Variants in TP53INP1 observed in about 807,000 individuals in gnomAD.
TP53INP1 encodes tumor protein p53 inducible nuclear protein 1, also known as tumor protein p53-inducible nuclear protein 1.
In TP53INP1, 12 loss-of-function variants were observed where a neutral mutation model predicts 21.0. The ratio of observed to expected loss-of-function variants is 0.57; its 90% CI spans 0.37 to 0.93. TP53INP1 has a LOEUF of 0.93. Ranked by LOEUF, TP53INP1 falls within the 40% of genes least tolerant of loss-of-function variation. The pLI is 0.01. For synonymous variants in TP53INP1, 91 were observed against 94.8 expected (o/e 0.96, Z 0.23); for missense variants, 274 against 294.7 (o/e 0.93, Z 0.51).
intron 1 of TP53INP1, among the ~76,000 whole-genome samples, chr8:94,948,812 A>G (rs1822260213): frequency 6.6e-6 from 1 of 152,040 alleles, no homozygotes; most frequent in Non-Finnish European, 1.5e-5. Flanking sequence ...GCCGCGGCCA[A>G]GAAAACAAGC....
intron 1 of TP53INP1, among the ~76,000 whole-genome samples, chr8:94,946,715 A>AAAAAAAAAAAAAAG (rs1482522605): frequency 6.7e-6 from 1 of 149,172 alleles, no homozygotes; most frequent in African/African-American, 2.4e-5. Context: ...AAAAAAAAAA[A>AAAAAAAAAAAAAAG]AAAAAGACAG....
intron 1 of TP53INP1, among the ~76,000 whole-genome samples, chr8:94,947,140 G>A (rs899255135): frequency 3.3e-5 from 5 of 152,086 alleles, no homozygotes; most frequent in African/African-American, 1.2e-4. Context: ...GTCAGCATTA[G>A]GGCAAAAATC....
chr8:94,938,846 T>C (rs188546863), intron 3 of TP53INP1, among the ~76,000 whole-genome samples: 184 of 152,340 alleles, frequency 1.2e-3, no homozygotes, highest in African/African-American at 4.3e-3. Context: ...GAAGGGGTCG[T>C]GGGAACACCA....
chr8:94,940,361 G>T, intron 2 of TP53INP1, 141 bp from the exon 3 acceptor site: 1 of 942,252 alleles, frequency 1.1e-6, no homozygotes, highest in South Asian at 1.8e-5. Context: ...ATTAGCTGAT[G>T]CTCACGTATC....
At chr8:94,946,761 A>G (rs1822056220) in intron 1 of TP53INP1, among the ~76,000 whole-genome samples, 1 of 148,720 alleles carries the variant, frequency 6.7e-6, no homozygotes, top group East Asian at 2.0e-4. Context: ...TGCTACTTGC[A>G]ACCTATGTGA....
intron 3 of TP53INP1, among the ~76,000 whole-genome samples, chr8:94,936,979 G>C (rs944402205): frequency 7.9e-5 from 12 of 152,246 alleles, no homozygotes; most frequent in African/African-American, 2.9e-4. Flanking sequence ...GAGCATAGCT[G>C]CAAGTGAGAC....
At chr8:94,946,470 G>A (rs562334785) in intron 1 of TP53INP1, among the ~76,000 whole-genome samples, 3 of 151,806 alleles carry the variant, frequency 2.0e-5, no homozygotes, top group African/African-American at 7.2e-5. Context: ...GGATGCCAAG[G>A]CAGGAGGATC....
rs1049697928 is a variant in TP53INP1 at position 94,941,086 on chromosome 8, T to C, written c.-145A>G. 15 of 614,288 alleles carry C rather than the reference T, an allele frequency of 2.4e-5. No homozygotes were observed. The highest frequency in any genetic ancestry group is 9.3e-5 in the African/African-American group (5 of 53,888). 38.1% of individuals were successfully genotyped at this position (614,288 alleles called of 1,614,324 possible). ...CTTAGGTGAAAAGCAAGAAGAGTCA[T>C]TGTACCTAAAATAAAACAGAAAAAG... On this transcript the variant is annotated 5_prime_UTR_variant, in exon 2 of 4. It removes an upstream start codon present in the reference 5' UTR. Transcript: ENST00000342697.
intron 3 of TP53INP1, among the ~76,000 whole-genome samples, chr8:94,934,065 G>A (rs1820722840): frequency 6.7e-6 from 1 of 149,046 alleles, no homozygotes; most frequent in Non-Finnish European, 1.5e-5. Context: ...CAACAAGAGT[G>A]AAACTCTGTC....
intron 3 of TP53INP1, among the ~76,000 whole-genome samples, chr8:94,933,097 A>T (rs1820585536): frequency 6.6e-6 from 1 of 152,168 alleles, no homozygotes; most frequent in African/African-American, 2.4e-5. Flanking sequence ...ATGTGCCAGT[A>T]ATCCCAGTTA....
intron 3 of TP53INP1, among the ~76,000 whole-genome samples, chr8:94,938,197 A>G (rs2131355457): frequency 6.6e-6 from 1 of 152,340 alleles, no homozygotes; most frequent in African/African-American, 2.4e-5. Flanking sequence ...AACAAGATCA[A>G]TTAACCTGCA....
intron 1 of TP53INP1, among the ~76,000 whole-genome samples, chr8:94,946,032 C>T (rs1322861665): frequency 6.6e-6 from 1 of 152,022 alleles, no homozygotes; most frequent in Non-Finnish European, 1.5e-5. Flanking sequence ...TATAAAAAGT[C>T]TAGAAAATAA....
chr8:94,944,265 A>C (rs934468608), intron 1 of TP53INP1, among the ~76,000 whole-genome samples: 3 of 152,166 alleles, frequency 2.0e-5, no homozygotes, highest in African/African-American at 7.2e-5. Flanking sequence ...CTTGTCCCCA[A>C]CCTGTGATGC....
In TP53INP1 at chr8:94,940,207, A is replaced by G. The variant is rs1477801634; in HGVS notation, c.126T>C (p.Gly42=). The change falls in exon 3 of 4, where the codon GGT becomes GGC. Residue 42 remains glycine, a synonymous_variant. Transcript: ENST00000342697. ...CTTCTTCTTCTTCTTCTGCTGAGAA[A>G]CCAGTGCAAGTATCTAGATCGTAGT... is the stretch of plus-strand genomic sequence containing the variant. ...ILVDFIDTCT[G]FSAEEEEEEE... is the part of the protein sequence containing the mutation. 3.1e-6 allele frequency: 5 copies of G among 1,610,402 alleles called. No homozygotes were observed. The East Asian group carries it at 1.1e-4, about 36-fold the overall frequency.
chr8:94,941,349 TATA>T (rs899661292), intron 1 of TP53INP1, among the ~76,000 whole-genome samples: 23 of 152,122 alleles, frequency 1.5e-4, no homozygotes, highest in African/African-American at 5.3e-4. Context: ...TTTATGCTTT[TATA>T]ATAAGGTGAA....
intron 3 of TP53INP1, among the ~76,000 whole-genome samples, chr8:94,935,699 A>G (rs1347082033): frequency 1.3e-5 from 2 of 152,216 alleles, no homozygotes; most frequent in African/African-American, 2.4e-5. Flanking sequence ...TGTGGTATCA[A>G]GATCTATTGG....
intron 3 of TP53INP1, among the ~76,000 whole-genome samples, chr8:94,937,406 A>C (rs1213076268): frequency 2.7e-5 from 4 of 148,864 alleles, no homozygotes; most frequent in Admixed American, 1.4e-4. Context: ...CTGCCACTGC[A>C]CTCCAGCCTG....
At position 94,930,576 on chromosome 8, in the gene TP53INP1, AG is replaced by A; in HGVS notation, c.625del (p.Leu209PhefsTer57). On this transcript the variant is annotated frameshift_variant, in exon 4 of 4. Coordinates refer to ENST00000342697, the MANE Select transcript of TP53INP1 (RefSeq NM_033285.4). LOFTEE classifies it high-confidence loss of function. The part of the protein sequence containing the change: ...SERQPLNRNS[L>X]RRQNLTRDCH... ...ATCCCTGGTAAGATTTTGGCGACGA[AG>A]GCTATTTCTGTTAAGAGGCTGTCTT... 1 of 1,614,248 alleles carries A rather than the reference AG, an allele frequency of 6.2e-7. No individual in the cohort carries two copies. The highest frequency in any genetic ancestry group is 8.5e-7 in the Non-Finnish European group (1 of 1,180,038).
intron 1 of TP53INP1, among the ~76,000 whole-genome samples, chr8:94,947,697 A>C (rs1014324900): frequency 6.6e-6 from 1 of 152,242 alleles, no homozygotes; most frequent in Non-Finnish European, 1.5e-5. Context: ...CTAAGGCTGA[A>C]AGACAGTGGA....
Sources: allele counts gnomAD v4.1 joint callset (sites outside exome capture counted in the v4.1 genomes callset), GRCh38; gene constraint gnomAD v4.1.1; transcripts MANE v1.5; gene names NCBI Gene and HGNC (gene_info 2026-07-23, HGNC 2026-07-21).